The following NBEA variants were observed in gnomAD, a reference collection of about 807,000 sequenced individuals.
The protein encoded by NBEA is lysosomal-trafficking regulator 2.
In NBEA, 44 loss-of-function variants were observed where a neutral mutation model predicts 343.4. That is an observed-to-expected ratio of 0.13 (90% CI 0.10 to 0.16). The LOEUF is 0.16. Ranked by LOEUF, NBEA falls within the 10% of genes least tolerant of loss-of-function variation. The pLI, the probability that NBEA is intolerant of heterozygous loss-of-function variation, is 1.00. For missense variants in NBEA, 2,555 were observed against 3,631.3 expected, an observed-to-expected ratio of 0.70 and a Z score of 7.62; for synonymous variants, 1,175 against 1,238.7, an observed-to-expected ratio of 0.95 and a Z score of 1.08.
chr13:35,662,768 A>T (rs999697681), intron 55 of NBEA, among the ~76,000 whole-genome samples: 1 of 152,196 alleles, frequency 6.6e-6, no homozygotes, highest in East Asian at 1.9e-4. Context: ...ATATTTTTAT[A>T]CATTTTTTTT....
Position 35,550,985 on chromosome 13 carries a change from C to T in NBEA, c.6759C>T (p.Ser2253=). The T allele has an allele frequency of 6.2e-7, 1 of 1,611,622 alleles. No homozygotes were observed. Among genetic ancestry groups the T allele is most frequent in the Non-Finnish European group, 8.5e-7 (1 of 1,178,126 alleles). Residue 2253 remains serine, a synonymous_variant, in exon 43 of 59, where the codon AGC becomes AGT. Coordinates refer to ENST00000379939, the MANE Select transcript of NBEA (RefSeq NM_001385012.1). ...DQATVKKVVY[S]LPRVGVGTSY... is the part of the protein sequence containing the mutation. ...CAACAGTAAAAAAAGTTGTCTATAG[C>T]TTGCCTCGGGTTGGAGTAGGGACCA...
At chr13:35,477,510 G>A (rs1449219639) in intron 41 of NBEA, among the ~76,000 whole-genome samples, 1 of 152,182 alleles carries the variant, frequency 6.6e-6, no homozygotes. Flanking sequence ...TTGTCTGTGG[G>A]ATGGACAGAG....
chr13:35,378,687 C>T (rs1236495874), intron 38 of NBEA, among the ~76,000 whole-genome samples: 2 of 151,526 alleles, frequency 1.3e-5, no homozygotes, highest in Admixed American at 1.3e-4. Flanking sequence ...CAGAAGAGTA[C>T]ATATGTCATA....
chr13:35,142,163 GTAT>G (rs1271960360), intron 17 of NBEA, 103 bp from the exon 18 acceptor site: 3 of 560,686 alleles, frequency 5.4e-6, no homozygotes, highest in South Asian at 3.0e-5. Context: ...ATAATTACTT[GTAT>G]TATTCTGTAT....
intron 1 of NBEA, among the ~76,000 whole-genome samples, chr13:34,990,859 C>T (rs916204680): frequency 3.3e-5 from 5 of 152,312 alleles, no homozygotes; most frequent in Middle Eastern, 3.4e-3. Flanking sequence ...CTGTTAGAAG[C>T]AACCAGGCCA....
intron 1 of NBEA, among the ~76,000 whole-genome samples, chr13:35,015,491 A>T (rs1022683613): frequency 5.3e-5 from 8 of 152,212 alleles, no homozygotes; most frequent in Admixed American, 3.9e-4. Context: ...AACAAACAGT[A>T]TATACAACTA....
intron 1 of NBEA, among the ~76,000 whole-genome samples, chr13:34,970,362 T>C (rs2152498493): frequency 6.6e-6 from 1 of 152,280 alleles, no homozygotes; most frequent in South Asian, 2.1e-4. Flanking sequence ...GTTTACCCTG[T>C]TGATAGTTTC....
chr13:35,290,447 T>C lies in NBEA; in HGVS notation c.5835T>C (p.Ser1945=). Residue 1945 remains serine, a synonymous_variant, in exon 35 of 59, where the codon TCT becomes TCC. Transcript: ENST00000379939. Reference sequence around the variant, plus strand: ...TTGAGCTTGTTATGCTGCTTTGTTCTCAGGTACAAAATCCCATTCACTCAG... The same window carrying C: ...TTGAGCTTGTTATGCTGCTTTGTTCCCAGGTACAAAATCCCATTCACTCAG... ...SVVELVMLLC[S]QEWQNSIQKN... is the part of the protein sequence containing the mutation. The C allele has an allele frequency of 5.0e-6, 8 of 1,604,542 alleles. No individual in the cohort carries two copies. The highest frequency in any genetic ancestry group is 6.8e-6 in the Non-Finnish European group (8 of 1,173,292).
intron 2 of NBEA, among the ~76,000 whole-genome samples, chr13:35,044,363 A>G (rs1317473569): frequency 6.6e-6 from 1 of 152,144 alleles, no homozygotes; most frequent in Non-Finnish European, 1.5e-5. Context: ...TAGGCTTGTT[A>G]GGAGGATTTG....
chr13:35,125,854 A>T (rs2152680366), intron 17 of NBEA, among the ~76,000 whole-genome samples: 1 of 152,306 alleles, frequency 6.6e-6, no homozygotes, highest in African/African-American at 2.4e-5. Flanking sequence ...ACATACATAC[A>T]TACATAGCTT....
chr13:35,651,943 A>G (rs1330479219), intron 53 of NBEA, 67 bp downstream of exon 53: 23 of 904,086 alleles, frequency 2.5e-5, no homozygotes, highest in East Asian at 1.9e-4. Flanking sequence ...GTTATTTTTC[A>G]TAAGATAGTT....
intron 45 of NBEA, among the ~76,000 whole-genome samples, chr13:35,570,405 CAT>C (rs1464102997): frequency 6.6e-6 from 1 of 152,192 alleles, no homozygotes; most frequent in Non-Finnish European, 1.5e-5. Flanking sequence ...TTGTGCCTCA[CAT>C]GTGCTCCTCT....
rs544122909 is a variant in NBEA at position 35,192,437 on chromosome 13, C to T, written c.4928-3427C>T. Among the ~76,000 whole-genome samples, 12 of 151,838 alleles carry T rather than the reference C, an allele frequency of 7.9e-5. No homozygotes were observed. The East Asian group carries it at 1.4e-3, about 17-fold the overall frequency. ...GTTTTATTTCTATGTAATATCACAG[C>T]GTGTATGCTTTACAAAACATATTTA... On this transcript the variant is annotated intron_variant, in intron 30 of 58. Transcript: ENST00000379939.
chr13:35,256,317 A>G (rs965973952), intron 34 of NBEA, among the ~76,000 whole-genome samples: 1 of 152,210 alleles, frequency 6.6e-6, no homozygotes, highest in African/African-American at 2.4e-5. Flanking sequence ...GGTAGTCATG[A>G]TGTCTGTGTA....
intron 1 of NBEA, among the ~76,000 whole-genome samples, chr13:34,977,354 G>A (rs1593339439): frequency 6.6e-6 from 1 of 151,650 alleles, no homozygotes; most frequent in East Asian, 1.9e-4. Flanking sequence ...TGTCGCCCAG[G>A]CTGGAGTGCA....
At chr13:34,993,813 A>AT (rs756188888) in intron 1 of NBEA, among the ~76,000 whole-genome samples, 6 of 152,054 alleles carry the variant, frequency 3.9e-5, no homozygotes, top group Non-Finnish European at 8.8e-5. Flanking sequence ...TACCCTGTAC[A>AT]TTTTTTTCCC....
intron 17 of NBEA, among the ~76,000 whole-genome samples, chr13:35,139,760 T>TTG (rs2067982659): frequency 1.4e-5 from 2 of 146,508 alleles, no homozygotes. Context: ...TTTTTTTTTT[T>TTG]TTTTTTTTTT....
At chr13:35,115,302 A>G (rs1207066192) in intron 13 of NBEA, among the ~76,000 whole-genome samples, 1 of 152,012 alleles carries the variant, frequency 6.6e-6, no homozygotes, top group Non-Finnish European at 1.5e-5. Flanking sequence ...TGGTATAATT[A>G]CATATATCGA....
intron 1 of NBEA, among the ~76,000 whole-genome samples, chr13:35,024,755 T>C (rs977051836): frequency 6.6e-6 from 1 of 152,210 alleles, no homozygotes; most frequent in Non-Finnish European, 1.5e-5. Flanking sequence ...ATCTCCAAAC[T>C]GCTTTCCACA....
Sources: allele counts gnomAD v4.1 joint callset (sites outside exome capture counted in the v4.1 genomes callset), GRCh38; gene constraint gnomAD v4.1.1; transcripts MANE v1.5; gene names NCBI Gene and HGNC (gene_info 2026-07-23, HGNC 2026-07-21).